OR4M1: variants seen among roughly 807,000 people sequenced by gnomAD.
OR4M1 encodes olfactory receptor family 4 subfamily M member 1, also known as olfactory receptor 4M1.
OR4M1 carries 7 observed loss-of-function variants against 9.8 expected under a neutral mutation model. The observed-to-expected ratio is 0.71, with a 90% CI of 0.41 to 1.34. OR4M1 has a LOEUF of 1.34. OR4M1 is among the 40% of genes most tolerant of loss of function. OR4M1 has a pLI of 0.01. For synonymous variants in OR4M1, 121 were observed against 139.8 expected (o/e 0.87, Z 0.95); for missense variants, 331 against 380.4 (o/e 0.87, Z 1.08).
intron 1 of OR4M1, among the ~76,000 whole-genome samples, chr14:19,776,520 G>A (rs60479862): frequency 0.072 from 10,856 of 150,462 alleles, 169 homozygotes; most frequent in East Asian, 0.33. Flanking sequence ...AGGAGAAGTA[G>A]GTGGGTGGAT....
chr14:19,775,098 T>C (rs2138426786), intron 1 of OR4M1, among the ~76,000 whole-genome samples: 1 of 152,354 alleles, frequency 6.6e-6, no homozygotes, highest in South Asian at 2.1e-4. Context: ...ACCAGCTCTT[T>C]TGAAAGACTC....
intron 1 of OR4M1, among the ~76,000 whole-genome samples, chr14:19,779,576 C>G (rs1281951545): frequency 6.6e-6 from 1 of 152,238 alleles, no homozygotes; most frequent in Non-Finnish European, 1.5e-5. Context: ...CAAGCATACT[C>G]ATTTCCCAGA....
rs889168995 is a variant in OR4M1 at position 19,782,045 on chromosome 14, T to C, written c.*781T>C. ...CAGGCTTGGGGAGAAAGCTTCTAGGTTGACTGGAATTGGTAGACATCTAGC... is the reference window on the plus strand; with the variant it reads ...CAGGCTTGGGGAGAAAGCTTCTAGGCTGACTGGAATTGGTAGACATCTAGC... On this transcript the variant is annotated 3_prime_UTR_variant, in exon 2 of 2. Transcript: ENST00000641200. 6.6e-5 allele frequency: 10 copies of C among 152,424 alleles called. No homozygotes were observed. In the East Asian group the frequency reaches 1.5e-3, roughly 24 times the overall value. The allele number at this position is 152,424 out of a possible 1,614,324, so 9.4% of individuals were successfully genotyped here. A position where few individuals can be genotyped will look rare whatever the true frequency, so the allele number is the denominator to read the frequency against.
intron 1 of OR4M1, among the ~76,000 whole-genome samples, chr14:19,776,913 T>C (rs780162411): frequency 6.0e-5 from 9 of 151,086 alleles, no homozygotes; most frequent in Non-Finnish European, 1.2e-4. Flanking sequence ...TAACAACATA[T>C]GATCCACTGA....
In OR4M1 at chr14:19,780,516, A is replaced by T. The variant is rs768352580; in HGVS notation, c.194A>T (p.Asn65Ile). Residue 65 changes from asparagine (N) to isoleucine (I), a missense_variant, in exon 2 of 2, where the codon AAT (asparagine) becomes ATT (isoleucine). Asn to Ile is a moderately radical substitution (Grantham distance 149). Transcript: ENST00000641200. ...LTSPMYFLLA[N>I]LALLDIWYSS... ...TCTCCTATGTATTTCCTGTTGGCTA[A>T]TCTGGCCCTCCTTGATATTTGGTAC... 4 of 1,614,102 alleles carry T rather than the reference A, an allele frequency of 2.5e-6. No homozygotes were observed. Among genetic ancestry groups the T allele is most frequent in the African/African-American group, 1.3e-5 (1 of 74,936 alleles).
chr14:19,777,777 A>T (rs1407434282), intron 1 of OR4M1, among the ~76,000 whole-genome samples: 2 of 152,226 alleles, frequency 1.3e-5, no homozygotes, highest in Non-Finnish European at 2.9e-5. Context: ...TGCTGGACAG[A>T]ATAGGAATTG....
Position 19,783,260 on chromosome 14 carries a change from C to T in OR4M1, c.*1996C>T, listed in dbSNP as rs1878557227. 1 of 152,354 alleles carries T rather than the reference C, an allele frequency of 6.6e-6. No individual in the cohort carries two copies. The highest frequency in any genetic ancestry group is 1.5e-5 in the Non-Finnish European group (1 of 68,144). The allele number at this position is 152,354 out of a possible 1,614,324, so 9.4% of individuals were successfully genotyped here. A position where few individuals can be genotyped will look rare whatever the true frequency, so the allele number is the denominator to read the frequency against. On this transcript the variant is annotated 3_prime_UTR_variant, in exon 2 of 2. Transcript: ENST00000641200. ...ACATAATTGGAATAAGGACTGAGAG[C>T]AATTTCACCCCTTGGAGGACATTTG...
intron 1 of OR4M1, among the ~76,000 whole-genome samples, chr14:19,776,629 GA>G (rs541316872): frequency 6.6e-5 from 10 of 152,194 alleles, no homozygotes; most frequent in Non-Finnish European, 1.3e-4. Context: ...GGCAACCTTA[GA>G]AAAAAATGCC....
At chr14:19,775,539 TATATA>T (rs1182535188) in intron 1 of OR4M1, among the ~76,000 whole-genome samples, 10 of 147,622 alleles carry the variant, frequency 6.8e-5, no homozygotes, top group South Asian at 6.3e-4. Flanking sequence ...AGCAAATATA[TATATA>T]ATATAATATA....
Position 19,780,692 on chromosome 14 carries a change from G to A in OR4M1, c.370G>A (p.Ala124Thr), listed in dbSNP as rs1878456735. ...CACAGTGATGGCCTATGACCGCTAT[G>A]CTGCTATCTGCCGACCCCTCCACTA... ...LLTVMAYDRY[A>T]AICRPLHYAT... is the part of the protein sequence containing the mutation. The change falls in exon 2 of 2, where the codon GCT becomes ACT. Residue 124 changes from alanine (A) to threonine (T), a missense_variant. Transcript: ENST00000641200. 1 of 1,614,252 alleles carries A rather than the reference G, an allele frequency of 6.2e-7. No individual in the cohort carries two copies. Among genetic ancestry groups the A allele is most frequent in the East Asian group, 2.2e-5 (1 of 44,890 alleles).
chr14:19,777,810 G>T (rs1409143849), intron 1 of OR4M1, among the ~76,000 whole-genome samples: 2 of 152,138 alleles, frequency 1.3e-5, no homozygotes, highest in Non-Finnish European at 2.9e-5. Context: ...TGGTATTTTA[G>T]GTAATGGTTA....
At chr14:19,778,755 C>A (rs1314002160) in intron 1 of OR4M1, among the ~76,000 whole-genome samples, 1 of 152,190 alleles carries the variant, frequency 6.6e-6, no homozygotes, top group Admixed American at 6.5e-5. Context: ...CAGGTAAGTA[C>A]AGTAAGATCA....
rs915455855 is a variant in OR4M1 at position 19,780,487 on chromosome 14, G to A, written c.165G>A (p.Leu55=). ...GCACCATCAGGCTAGACCCTCATCT[G>A]ACTTCTCCTATGTATTTCCTGTTGG... ...IICTIRLDPH[L]TSPMYFLLAN... Residue 55 remains leucine, a synonymous_variant, in exon 2 of 2, where the codon CTG becomes CTA. Coordinates refer to ENST00000641200, the MANE Select transcript of OR4M1 (RefSeq NM_001005500.2). The A allele has an allele frequency of 2.5e-6, 4 of 1,614,090 alleles. No homozygotes were observed. Among genetic ancestry groups the A allele is most frequent in the Non-Finnish European group, 3.4e-6 (4 of 1,180,020 alleles).
At chr14:19,778,728 C>T (rs553273947) in intron 1 of OR4M1, among the ~76,000 whole-genome samples, 2 of 152,328 alleles carry the variant, frequency 1.3e-5, no homozygotes, top group South Asian at 2.1e-4. Flanking sequence ...GTTATGGGGG[C>T]TATGAGCTGC....
chr14:19,779,912 CT>C (rs1878416769), intron 1 of OR4M1, among the ~76,000 whole-genome samples: 1 of 152,196 alleles, frequency 6.6e-6, no homozygotes, highest in Non-Finnish European at 1.5e-5. Flanking sequence ...AAAATAAGAT[CT>C]AGAAAAAAGA....
chr14:19,783,001 A>G lies in OR4M1; in HGVS notation c.*1737A>G, dbSNP rs1474751744. ...TCAAACTAGGGCTGATGTTCTTTGG[A>G]AAGGGACCACTGATTTGATATGCTC... On this transcript the variant is annotated 3_prime_UTR_variant, in exon 2 of 2. Transcript: ENST00000641200. 1 of 152,226 alleles carries G rather than the reference A, an allele frequency of 6.6e-6. No homozygotes were observed. Among genetic ancestry groups the G allele is most frequent in the Non-Finnish European group, 1.5e-5 (1 of 68,060 alleles). The allele number at this position is 152,226 out of a possible 1,614,324, so 9.4% of individuals were successfully genotyped here. A position where few individuals can be genotyped will look rare whatever the true frequency, so the allele number is the denominator to read the frequency against.
At position 19,781,261 on chromosome 14, in the gene OR4M1, G is replaced by A. The variant is rs1291225892; in HGVS notation, c.939G>A (p.Lys313=). The A allele has an allele frequency of 1.9e-6, 3 of 1,601,140 alleles. No homozygotes were observed. The African/African-American group carries it at 4.0e-5, about 22-fold the overall frequency. ...CCAAATATATTTTGTGTGAAGAGAA[G>A]TGAAAGATAAATTATACATTTTATA... ...VVTKYILCEE[K] is the part of the protein sequence containing the mutation. Residue 313 remains lysine, a synonymous_variant, in exon 2 of 2, where the codon AAG becomes AAA. Transcript: ENST00000641200.
chr14:19,774,361 A>G (rs1310683170), intron 1 of OR4M1, among the ~76,000 whole-genome samples: 8 of 152,370 alleles, frequency 5.3e-5, no homozygotes, highest in South Asian at 2.1e-4. Flanking sequence ...TAAAAAATCC[A>G]TGTAATCATC....
rs769337311 is a variant in OR4M1 at position 19,781,233 on chromosome 14, T to A, written c.911T>A (p.Val304Asp). ...GTAAAGGCAGCCATGAGGAAGGTGG[T>A]CACCAAATATATTTTGTGTGAAGAG... ...KEVKAAMRKVVTKYILCEEK is the reference protein window; with the variant it reads ...KEVKAAMRKVDTKYILCEEK The change falls in exon 2 of 2, where the codon GTC (valine) becomes GAC (aspartate). Residue 304 changes from valine to aspartate, a missense_variant. This residue lies in a region of OR4M1 where 122 missense variants were observed against 180.5 expected (regional missense o/e 0.68). Transcript: ENST00000641200. 3 of 1,612,316 alleles carry A rather than the reference T, an allele frequency of 1.9e-6. No homozygotes were observed. The South Asian group carries it at 3.3e-5, about 18-fold the overall frequency.
Sources: allele counts gnomAD v4.1 joint callset (sites outside exome capture counted in the v4.1 genomes callset), GRCh38; gene constraint gnomAD v4.1.1; regional missense constraint gnomAD v4.1.1; transcripts MANE v1.5; gene names NCBI Gene and HGNC (gene_info 2026-07-23, HGNC 2026-07-21).